Variants in SCIN observed in about 807,000 individuals in gnomAD.
The protein encoded by SCIN is adseverin.
SCIN carries 91 observed loss-of-function variants against 91.8 expected under a neutral mutation model. That is an observed-to-expected ratio of 0.99 (90% CI 0.84 to 1.18). The LOEUF is 1.18. SCIN is among the 50% of genes most tolerant of loss of function. The pLI, the probability that SCIN is intolerant of heterozygous loss-of-function variation, is 0.00. For missense variants in SCIN, 1,087 were observed against 863.9 expected, an observed-to-expected ratio of 1.26 and a Z score of -3.24; for synonymous variants, 367 against 312.6, an observed-to-expected ratio of 1.17 and a Z score of -1.84.
chr7:12,650,272 T>C (rs112996337), intron 14 of SCIN, among the ~76,000 whole-genome samples: 163 of 152,330 alleles, frequency 1.1e-3, no homozygotes, highest in African/African-American at 3.7e-3. Flanking sequence ...ATGTTTGACT[T>C]GAGGGCCCAG....
At chr7:12,645,345 C>CA (rs1280917332) in intron 13 of SCIN, among the ~76,000 whole-genome samples, 1 of 151,930 alleles carries the variant, frequency 6.6e-6, no homozygotes, top group African/African-American at 2.4e-5. Flanking sequence ...ACACAAAAAA[C>CA]AAAAAACAGT....
chr7:12,619,045 A>G lies in SCIN; in HGVS notation c.667-3756A>G, dbSNP rs559588536. ...TCCTTCAGGCTCATTTTCTTAATCT[A>G]TGAAGTTAAAGTAATCATGATACAG... On this transcript the variant is annotated intron_variant, in intron 4 of 15. Coordinates refer to ENST00000297029, the MANE Select transcript of SCIN (RefSeq NM_001112706.3). Among the ~76,000 whole-genome samples the G allele has an allele frequency of 5.1e-4, 77 of 152,184 alleles. 1 individual carries two copies. The South Asian group carries it at 0.016, about 31-fold the overall frequency.
At chr7:12,580,875 C>G (rs1194947990) in intron 2 of SCIN, among the ~76,000 whole-genome samples, 185 bp from the exon 3 acceptor site, 1 of 152,180 alleles carries the variant, frequency 6.6e-6, no homozygotes, top group Non-Finnish European at 1.5e-5. Flanking sequence ...ACCAAACAAA[C>G]ACAATCTGTT....
intron 3 of SCIN, among the ~76,000 whole-genome samples, chr7:12,591,800 G>A (rs1412067889): frequency 2.0e-5 from 3 of 152,100 alleles, no homozygotes; most frequent in Admixed American, 6.5e-5. Context: ...TGCTGCCCTG[G>A]CTGGAGTCAT....
At chr7:12,599,557 A>G (rs550140874) in intron 3 of SCIN, among the ~76,000 whole-genome samples, 34 of 152,312 alleles carry the variant, frequency 2.2e-4, no homozygotes, top group South Asian at 4.1e-4. Context: ...TGCTGGATCA[A>G]ACAGTAGATC....
chr7:12,592,879 C>T (rs1041271783), intron 3 of SCIN, among the ~76,000 whole-genome samples: 2 of 152,158 alleles, frequency 1.3e-5, no homozygotes, highest in African/African-American at 4.8e-5. Flanking sequence ...AGCTTACCTG[C>T]TACTAGTAGA....
intron 3 of SCIN, among the ~76,000 whole-genome samples, chr7:12,585,598 C>G (rs1487663531): frequency 1.3e-5 from 2 of 152,146 alleles, no homozygotes; most frequent in Non-Finnish European, 2.9e-5. Flanking sequence ...GATTTCTTCT[C>G]TAATTGTCTT....
intron 4 of SCIN, among the ~76,000 whole-genome samples, chr7:12,609,459 C>T (rs1393368822): frequency 6.6e-6 from 1 of 151,792 alleles, no homozygotes; most frequent in East Asian, 1.9e-4. Flanking sequence ...GCCCTAAGGT[C>T]CCAAACTTTA....
At chr7:12,637,759 G>A (rs1439931561) in intron 10 of SCIN, among the ~76,000 whole-genome samples, 1 of 152,064 alleles carries the variant, frequency 6.6e-6, no homozygotes, top group East Asian at 1.9e-4. Context: ...GAGAATGACT[G>A]AATCCAAATT....
At chr7:12,582,635 G>C (rs1782510636) in intron 3 of SCIN, among the ~76,000 whole-genome samples, 1 of 152,090 alleles carries the variant, frequency 6.6e-6, no homozygotes, top group African/African-American at 2.4e-5. Flanking sequence ...TAAATTTCAT[G>C]GGAAAGTCCT....
intron 8 of SCIN, among the ~76,000 whole-genome samples, chr7:12,628,729 T>C (rs980588092): frequency 3.3e-5 from 5 of 152,114 alleles, no homozygotes; most frequent in African/African-American, 1.2e-4. Context: ...TATATATATA[T>C]GTTATTTCAT....
At chr7:12,616,103 AC>A (rs967923676) in intron 4 of SCIN, among the ~76,000 whole-genome samples, 88 of 152,144 alleles carry the variant, frequency 5.8e-4, no homozygotes, top group African/African-American at 2.1e-3. Flanking sequence ...CCCTTACCCA[AC>A]TTAGTTTTTT....
In SCIN at chr7:12,644,148, A is replaced by G. The variant is rs866770789; in HGVS notation, c.1592A>G (p.Asp531Gly). The G allele has an allele frequency of 2.5e-6, 4 of 1,612,174 alleles. No individual in the cohort carries two copies. Among genetic ancestry groups the G allele is most frequent in the East Asian group, 2.2e-5 (1 of 44,812 alleles). ...TTCTTCATATTCCAGGTTGATGTTG[A>G]TGCAAATTCACTGAATTCTAACGAT... is the stretch of plus-strand genomic sequence containing the variant. ...SITRIVEVDVDANSLNSNDVF... is the reference protein window; with the variant it reads ...SITRIVEVDVGANSLNSNDVF... Residue 531 changes from aspartate (D) to glycine (G), a missense_variant, in exon 12 of 16, where the codon GAT becomes GGT. By Grantham distance (94) the Asp-to-Gly change is moderately conservative. Transcript: ENST00000297029.
At chr7:12,593,329 A>G (rs1782766402) in intron 3 of SCIN, among the ~76,000 whole-genome samples, 1 of 152,146 alleles carries the variant, frequency 6.6e-6, no homozygotes, top group Admixed American at 6.5e-5. Context: ...CTGTTATTAA[A>G]GACTTTGAAA....
At chr7:12,623,235 A>G (rs1440874038) in intron 5 of SCIN, among the ~76,000 whole-genome samples, 1 of 152,140 alleles carries the variant, frequency 6.6e-6, no homozygotes, top group Non-Finnish European at 1.5e-5. Flanking sequence ...TTTTTCTTAT[A>G]AATTCTTGAT....
intron 3 of SCIN, among the ~76,000 whole-genome samples, chr7:12,601,897 C>T (rs1782966073): frequency 6.6e-6 from 1 of 152,158 alleles, no homozygotes; most frequent in Admixed American, 6.5e-5. Flanking sequence ...TTTTTAACTA[C>T]TGAAGAGGAG....
intron 2 of SCIN, among the ~76,000 whole-genome samples, chr7:12,579,484 G>T (rs969798647): frequency 6.6e-6 from 1 of 152,178 alleles, no homozygotes; most frequent in African/African-American, 2.4e-5. Context: ...CACCATCATA[G>T]TTATGAACCC....
chr7:12,626,041 A>G (rs1041420086), intron 7 of SCIN, 191 bp downstream of exon 7: 24 of 539,378 alleles, frequency 4.4e-5, no homozygotes, highest in African/African-American at 1.9e-5. Context: ...TAGAAACTGC[A>G]CATCAGACTT....
At chr7:12,603,391 C>T (rs1383114842) in intron 3 of SCIN, among the ~76,000 whole-genome samples, 2 of 152,024 alleles carry the variant, frequency 1.3e-5, no homozygotes, top group Non-Finnish European at 2.9e-5. Flanking sequence ...GATCCGCAAG[C>T]CTCGGCCTCT....
Sources: gnomAD v4.1 joint callset for allele counts (sites outside exome capture counted in the v4.1 genomes callset) on GRCh38, gnomAD v4.1.1 for gene constraint, MANE v1.5 for transcripts, NCBI Gene and HGNC (gene_info 2026-07-23, HGNC 2026-07-21) for gene names.